The following PCBP3 variants were observed in gnomAD, a reference collection of about 807,000 sequenced individuals.
PCBP3 encodes the protein poly(rC) binding protein 3.
In PCBP3, 25 loss-of-function variants were observed where a neutral mutation model predicts 52.7. That is an observed-to-expected ratio of 0.47 (90% CI 0.35 to 0.66). The LOEUF is 0.66. PCBP3 is among the 30% of genes least tolerant of loss of function. PCBP3 has a pLI of 0.01. For missense variants in PCBP3, 391 were observed against 490.3 expected, an observed-to-expected ratio of 0.80 and a Z score of 1.91; for synonymous variants, 162 against 183.0, an observed-to-expected ratio of 0.89 and a Z score of 0.93.
chr21:45,820,919 C>T (rs1011803460), intron 4 of PCBP3, among the ~76,000 whole-genome samples: 1 of 152,130 alleles, frequency 6.6e-6, no homozygotes, highest in African/African-American at 2.4e-5. Flanking sequence ...GGGATACAGC[C>T]TCGAGAGGAC....
At chr21:45,687,855 C>T (rs899022237) in intron 2 of PCBP3, among the ~76,000 whole-genome samples, 1 of 151,924 alleles carries the variant, frequency 6.6e-6, no homozygotes, top group African/African-American at 2.4e-5. Flanking sequence ...CTCAGCCTCC[C>T]GAGTAGCTGG....
chr21:45,859,397 G>A (rs764193085), intron 5 of PCBP3, among the ~76,000 whole-genome samples: 3 of 152,082 alleles, frequency 2.0e-5, no homozygotes, highest in Non-Finnish European at 4.4e-5. Flanking sequence ...TCCCCTGCAT[G>A]GCTATGCATC....
intron 2 of PCBP3, among the ~76,000 whole-genome samples, chr21:45,701,347 A>C (rs1367228812): frequency 1.3e-5 from 2 of 152,210 alleles, no homozygotes; most frequent in East Asian, 3.9e-4. Context: ...TTCCTCTTCA[A>C]GCACCACAGT....
Position 45,837,786 on chromosome 21 carries a change from A to G in PCBP3, c.-125-12175A>G, listed in dbSNP as rs561172393. ...AGGCGTGTGGTCTGGCCGCTCCTTC[A>G]CTGGTGCTGAGACTGAGGATTGAGC... On this transcript the variant is annotated intron_variant, in intron 4 of 17. Transcript: ENST00000681687. The surrounding 1 kb of genome is among the most constrained non-coding windows in gnomAD (Gnocchi z 4.1). Among the ~76,000 whole-genome samples, 1 of 152,212 alleles carries G rather than the reference A, an allele frequency of 6.6e-6. No individual in the cohort carries two copies. The highest frequency in any genetic ancestry group is 2.4e-5 in the African/African-American group (1 of 41,542).
chr21:45,792,222 C>G (rs187156410), intron 4 of PCBP3, among the ~76,000 whole-genome samples: 1 of 152,270 alleles, frequency 6.6e-6, no homozygotes, highest in Non-Finnish European at 1.5e-5. Context: ...GTGGGAGAAA[C>G]AGTAGCTTGT....
rs1010529603 is a variant in PCBP3, at chr21:45,802,993, G to A, written c.-125-46968G>A. The stretch of plus-strand genomic sequence containing the variant: ...TTTTCAATAAAAAATAACATTTCCC[G>A]TCTGCATTGTACAGTCATAATTTGA... On this transcript the variant is annotated intron_variant, in intron 4 of 17. Coordinates refer to ENST00000681687, the MANE Select transcript of PCBP3 (RefSeq NM_001384156.1). The surrounding 1 kb of genome is among the most constrained non-coding windows in gnomAD (Gnocchi z 5.1). Among the ~76,000 whole-genome samples the A allele has an allele frequency of 3.3e-5, 5 of 152,096 alleles. No individual in the cohort carries two copies. The highest frequency in any genetic ancestry group is 1.9e-4 in the East Asian group (1 of 5,200).
At chr21:45,691,426 A>ATATC (rs2082463649) in intron 2 of PCBP3, among the ~76,000 whole-genome samples, 1 of 133,806 alleles carries the variant, frequency 7.5e-6, no homozygotes, top group African/African-American at 3.0e-5. Flanking sequence ...ATATATATAA[A>ATATC]ATATATATAT....
chr21:45,710,797 A>G lies in PCBP3; in HGVS notation c.-199-24595A>G, dbSNP rs564336663. Reference sequence around the variant, plus strand: ...ATTTAGACTAGTATTATCTTGGGAGATTTATCTGCTCTCACACTTATTTAT... The same window carrying G: ...ATTTAGACTAGTATTATCTTGGGAGGTTTATCTGCTCTCACACTTATTTAT... On this transcript the variant is annotated intron_variant, in intron 2 of 17. Transcript: ENST00000681687. 2.0e-5 allele frequency among the ~76,000 whole-genome samples: 3 copies of G among 152,220 alleles called. No individual in the cohort carries two copies. The South Asian group carries it at 6.2e-4, about 32-fold the overall frequency.
intron 4 of PCBP3, among the ~76,000 whole-genome samples, chr21:45,796,289 A>G (rs2091917588): frequency 6.6e-6 from 1 of 152,244 alleles, no homozygotes; most frequent in South Asian, 2.1e-4. Flanking sequence ...ACAGATGTGC[A>G]ATCATAAGTA....
At chr21:45,874,758 G>A (rs1318868951) in intron 5 of PCBP3, among the ~76,000 whole-genome samples, 1 of 152,092 alleles carries the variant, frequency 6.6e-6, no homozygotes, top group Non-Finnish European at 1.5e-5. Flanking sequence ...TTGATTTTCC[G>A]TTGCTGGCTG....
intron 1 of PCBP3, among the ~76,000 whole-genome samples, chr21:45,649,090 A>C: frequency 6.6e-6 from 1 of 152,198 alleles, no homozygotes; most frequent in Non-Finnish European, 1.5e-5. Context: ...TTTACAAAAG[A>C]AAGAGGTTTA....
chr21:45,674,780 A>G (rs1468581682), intron 2 of PCBP3, among the ~76,000 whole-genome samples: 1 of 152,168 alleles, frequency 6.6e-6, no homozygotes. Flanking sequence ...ATATGAGGGC[A>G]CTGGAATGAG....
At chr21:45,927,685 T>C (rs576217214) in intron 13 of PCBP3, among the ~76,000 whole-genome samples, 1 of 152,136 alleles carries the variant, frequency 6.6e-6, no homozygotes, top group South Asian at 2.1e-4. Flanking sequence ...TTTGCTAGTG[T>C]GGTCATTTCA....
chr21:45,858,679 A>G (rs913640132), intron 5 of PCBP3: 7 of 152,182 alleles, frequency 4.6e-5, no homozygotes, highest in African/African-American at 1.7e-4. Context: ...TTCCTTCCAC[A>G]GTTCCCAGGT....
chr21:45,711,116 C>T (rs2083802243), intron 2 of PCBP3, among the ~76,000 whole-genome samples: 1 of 152,180 alleles, frequency 6.6e-6, no homozygotes, highest in African/African-American at 2.4e-5. Context: ...CCAAGGAGTC[C>T]TGGTTCCTTT....
At chr21:45,903,150 G>A (rs953394696) in intron 9 of PCBP3, among the ~76,000 whole-genome samples, 3 of 152,192 alleles carry the variant, frequency 2.0e-5, no homozygotes, top group African/African-American at 4.8e-5. Context: ...CAAGGAAGCA[G>A]TGTCTGGTGG....
intron 5 of PCBP3, among the ~76,000 whole-genome samples, chr21:45,863,303 G>A (rs1003742178): frequency 6.6e-6 from 1 of 152,202 alleles, no homozygotes; most frequent in East Asian, 1.9e-4. Context: ...TTATGCCTAC[G>A]CCACCCATGG....
intron 4 of PCBP3, among the ~76,000 whole-genome samples, chr21:45,790,651 C>T (rs2091477897): frequency 6.6e-6 from 1 of 152,020 alleles, no homozygotes; most frequent in Non-Finnish European, 1.5e-5. Flanking sequence ...CCTAAGTGGC[C>T]AGCGAGGGAC....
At chr21:45,738,630 C>T (rs1203773070) in intron 3 of PCBP3, among the ~76,000 whole-genome samples, 2 of 152,180 alleles carry the variant, frequency 1.3e-5, no homozygotes, top group Admixed American at 1.3e-4. Context: ...TAAAAATTCA[C>T]CTATGCTTAG....
Sources: gnomAD v4.1 joint callset for allele counts (sites outside exome capture counted in the v4.1 genomes callset) on GRCh38, gnomAD v4.1.1 for gene constraint, Gnocchi (gnomAD v3.1) non-coding constraint, MANE v1.5 for transcripts, NCBI Gene and HGNC (gene_info 2026-07-23, HGNC 2026-07-21) for gene names.